The following DPY19L4 variants were observed in gnomAD, a reference collection of about 807,000 sequenced individuals.
DPY19L4 encodes dpy-19 like 4.
A neutral mutation model predicts 102.8 loss-of-function variants in DPY19L4; 97 were observed. The ratio of observed to expected loss-of-function variants is 0.94; its 90% confidence interval spans 0.80 to 1.12. The LOEUF is 1.12. DPY19L4 is among the 50% of genes most tolerant of loss of function. The pLI, the probability that DPY19L4 is intolerant of heterozygous loss-of-function variation, is 0.00. For synonymous variants in DPY19L4, 252 were observed against 283.1 expected (o/e 0.89, Z 1.10); for missense variants, 815 against 850.4 (o/e 0.96, Z 0.52).
At chr8:94,741,119 T>G (rs1392396821) in intron 6 of DPY19L4, among the ~76,000 whole-genome samples, 3 of 152,226 alleles carry the variant, frequency 2.0e-5, no homozygotes, top group African/African-American at 7.2e-5. Flanking sequence ...TTGAAATATA[T>G]GGTAGATTAT....
At chr8:94,742,494 G>A (rs1026835164) in intron 6 of DPY19L4, among the ~76,000 whole-genome samples, 25 of 152,008 alleles carry the variant, frequency 1.6e-4, no homozygotes, top group African/African-American at 5.5e-4. Context: ...ATGGATGCAA[G>A]TGATTCTCCC....
At chr8:94,722,752 C>T (rs539457581) in intron 1 of DPY19L4, among the ~76,000 whole-genome samples, 3 of 152,232 alleles carry the variant, frequency 2.0e-5, no homozygotes, top group East Asian at 1.9e-4. Flanking sequence ...CTTTTGTTCG[C>T]TGTGTTAAAA....
intron 11 of DPY19L4, among the ~76,000 whole-genome samples, chr8:94,767,784 T>C (rs866807060): frequency 1.7e-4 from 26 of 152,312 alleles, no homozygotes; most frequent in Middle Eastern, 3.4e-3. Flanking sequence ...GAACCACTTA[T>C]GTAATTGTAA....
chr8:94,773,146 G>A (rs576159128), intron 13 of DPY19L4, among the ~76,000 whole-genome samples: 127 of 150,938 alleles, frequency 8.4e-4, no homozygotes, highest in Non-Finnish European at 1.6e-3. Context: ...CCCGGGAGGC[G>A]GAGATTGCAG....
chr8:94,788,095 A>ATATATTTTTT lies in DPY19L4; in HGVS notation c.2007+44_2007+45insATATTTTTTT, dbSNP rs778540423. 33 of 971,646 alleles carry ATATATTTTTT rather than the reference A, an allele frequency of 3.4e-5. No homozygotes were observed. The African/African-American group carries it at 6.4e-4, about 19-fold the overall frequency. The allele number at this position is 971,646 out of a possible 1,614,324, so 60.2% of individuals were successfully genotyped here. A position where few individuals can be genotyped will look rare whatever the true frequency, so the allele number is the denominator to read the frequency against. On this transcript the variant is annotated intron_variant, in intron 18 of 18. Coordinates refer to ENST00000414645, the MANE Select transcript of DPY19L4 (RefSeq NM_181787.3). Reference sequence around the variant, plus strand: ...AAGTTATATATATGTATATATATATATTTTTTTTTTAGAAAAATGACTTTA... The same window carrying ATATATTTTTT: ...AAGTTATATATATGTATATATATATATATATTTTTTTTTTTTTTTTAGAAAAATGACTTTA...
At chr8:94,751,172 G>A (rs1458953861) in intron 6 of DPY19L4, among the ~76,000 whole-genome samples, 2 of 147,734 alleles carry the variant, frequency 1.4e-5, no homozygotes, top group African/African-American at 5.0e-5. Flanking sequence ...AGGCTGGAGT[G>A]CAGTGGCGTG....
rs1811678422 is a variant in DPY19L4, at chr8:94,746,458, GT to G, written c.611+6670del. On this transcript the variant is annotated intron_variant, in intron 6 of 18. Transcript: ENST00000414645. ...AAATCAGAAGAGAATGGTTAGGTAA[GT>G]TGTAATACATTAGTACAAGGGAATG... Among the ~76,000 whole-genome samples, 2 of 152,212 alleles carry G rather than the reference GT, an allele frequency of 1.3e-5. 1 individual carries two copies. The highest frequency in any genetic ancestry group is 4.1e-4 in the South Asian group (2 of 4,832).
chr8:94,786,536 T>C lies in DPY19L4; in HGVS notation c.1849-1358T>C, dbSNP rs567899201. Among the ~76,000 whole-genome samples the C allele has an allele frequency of 3.3e-5, 5 of 152,136 alleles. No homozygotes were observed. The South Asian group carries it at 1.0e-3, about 32-fold the overall frequency. ...GTAACTTCATATCTGAAAGCAATGA[T>C]GAACTGAACCTAAGTTCCCAATATT... On this transcript the variant is annotated intron_variant, in intron 17 of 18. Coordinates refer to ENST00000414645, the MANE Select transcript of DPY19L4 (RefSeq NM_181787.3).
chr8:94,737,644 G>A (rs949246896), intron 3 of DPY19L4, among the ~76,000 whole-genome samples: 4 of 151,848 alleles, frequency 2.6e-5, no homozygotes, highest in Admixed American at 6.6e-5. Flanking sequence ...TTAGCCGGGC[G>A]TGGTGGCGGG....
At chr8:94,726,865 A>G (rs1026537756) in intron 2 of DPY19L4, among the ~76,000 whole-genome samples, 1 of 152,240 alleles carries the variant, frequency 6.6e-6, no homozygotes, top group Admixed American at 6.5e-5. Context: ...GAAGTGTTCC[A>G]GGTCACATGG....
chr8:94,743,937 C>T (rs1267931856), intron 6 of DPY19L4, among the ~76,000 whole-genome samples: 3 of 152,018 alleles, frequency 2.0e-5, no homozygotes, highest in Admixed American at 6.6e-5. Flanking sequence ...ACTTGAGAGG[C>T]GGAGGCTGCA....
chr8:94,765,546 G>A (rs567480804), intron 9 of DPY19L4, among the ~76,000 whole-genome samples, 165 bp from the exon 10 acceptor site: 2 of 152,206 alleles, frequency 1.3e-5, no homozygotes, highest in African/African-American at 4.8e-5. Context: ...ATTTTGGCCA[G>A]GCTGGTGTCA....
At chr8:94,783,843 C>A in intron 17 of DPY19L4, 41 bp downstream of exon 17, 1 of 1,607,442 alleles carries the variant, frequency 6.2e-7, no homozygotes, top group South Asian at 1.1e-5. Context: ...TCTTTTCCAG[C>A]ACTTTGTATT....
At chr8:94,748,841 T>C (rs1408434141) in intron 6 of DPY19L4, among the ~76,000 whole-genome samples, 3 of 152,146 alleles carry the variant, frequency 2.0e-5, no homozygotes, top group Non-Finnish European at 4.4e-5. Context: ...CCTGATGATC[T>C]GAGGTGGAAC....
chr8:94,733,118 C>CTT (rs34879619), intron 2 of DPY19L4, among the ~76,000 whole-genome samples: 1,741 of 76,368 alleles, frequency 0.023, 20 homozygotes, highest in African/African-American at 0.031. Context: ...TCATCTTAAC[C>CTT]TTTTTTTTTT....
chr8:94,746,054 ATTTTTTT>A (rs35095979), intron 6 of DPY19L4, among the ~76,000 whole-genome samples: 5 of 67,108 alleles, frequency 7.5e-5, no homozygotes, highest in South Asian at 5.4e-4. Context: ...ATGCCTGGCC[ATTTTTTT>A]TTTTTTTTTT....
At position 94,738,466 on chromosome 8, in the gene DPY19L4, T is replaced by C; in HGVS notation, c.343+7T>C. ...GCACCTTCATTTGAAAGAGGTATGA[T>C]AATCACAGTTATATTTTTAATAACA... On this transcript the variant is annotated splice_region_variant and intron_variant, in intron 4 of 18. Coordinates refer to ENST00000414645, the MANE Select transcript of DPY19L4 (RefSeq NM_181787.3). The C allele has an allele frequency of 6.9e-7, 1 of 1,448,278 alleles. No homozygotes were observed. The highest frequency in any genetic ancestry group is 9.3e-7 in the Non-Finnish European group (1 of 1,072,042). The allele number at this position is 1,448,278 out of a possible 1,614,324, so 89.7% of individuals were successfully genotyped here. A position where few individuals can be genotyped will look rare whatever the true frequency, so the allele number is the denominator to read the frequency against.
intron 15 of DPY19L4, 97 bp downstream of exon 15, chr8:94,780,512 T>C (rs993244432): frequency 2.6e-6 from 2 of 757,612 alleles, no homozygotes; most frequent in African/African-American, 3.6e-5. Context: ...TGAGACACTA[T>C]CCTAACAAAA....
intron 6 of DPY19L4, among the ~76,000 whole-genome samples, chr8:94,741,229 T>G (rs1811432047): frequency 6.6e-6 from 1 of 152,202 alleles, no homozygotes; most frequent in Non-Finnish European, 1.5e-5. Flanking sequence ...CAGTCAGATC[T>G]CTCCATTGAA....
Sources: gnomAD v4.1 joint callset for allele counts (sites outside exome capture counted in the v4.1 genomes callset) on GRCh38, gnomAD v4.1.1 for gene constraint, MANE v1.5 for transcripts, NCBI Gene and HGNC (gene_info 2026-07-23, HGNC 2026-07-21) for gene names.